The following PPP1R36 variants were observed in gnomAD, a reference collection of about 807,000 sequenced individuals.
The protein encoded by PPP1R36 is chromosome 14 open reading frame 50.
In PPP1R36, 47 loss-of-function variants were observed where a neutral mutation model predicts 53.4. That is an observed-to-expected ratio of 0.88 (90% CI 0.70 to 1.12). The LOEUF is 1.12. PPP1R36 is among the 50% of genes most tolerant of loss of function. PPP1R36 has a pLI of 0.00. For missense variants in PPP1R36, 456 were observed against 513.9 expected (o/e 0.89, Z 1.09); for synonymous variants, 153 against 170.5 (o/e 0.90, Z 0.80).
intron 8 of PPP1R36, among the ~76,000 whole-genome samples, chr14:64,582,664 G>C (rs926571744): frequency 7.2e-5 from 11 of 152,114 alleles, no homozygotes; most frequent in African/African-American, 2.7e-4. Flanking sequence ...TAGAAATATT[G>C]CTTCTATATT....
chr14:64,558,478 C>A (rs1191243476), intron 3 of PPP1R36, among the ~76,000 whole-genome samples: 2 of 151,956 alleles, frequency 1.3e-5, no homozygotes, highest in African/African-American at 2.4e-5. Flanking sequence ...ACTTGGGAGG[C>A]TGAGGTGGGA....
At chr14:64,563,837 A>G (rs1390706991) in intron 3 of PPP1R36, among the ~76,000 whole-genome samples, 7 of 152,190 alleles carry the variant, frequency 4.6e-5, no homozygotes, top group Non-Finnish European at 8.8e-5. Context: ...ATAACCCACA[A>G]TGGGTTTGGC....
intron 8 of PPP1R36, among the ~76,000 whole-genome samples, chr14:64,576,602 G>A (rs906083409): frequency 1.3e-5 from 2 of 152,064 alleles, no homozygotes; most frequent in Non-Finnish European, 1.5e-5. Flanking sequence ...TCTTTGTTTT[G>A]TTGGTTGTAT....
chr14:64,550,916 T>G lies in PPP1R36; in HGVS notation c.70-5T>G. 1 of 1,603,606 alleles carries G rather than the reference T, an allele frequency of 6.2e-7. No homozygotes were observed. The highest frequency in any genetic ancestry group is 1.3e-5 in the African/African-American group (1 of 74,460). Reference sequence around the variant, plus strand: ...TATTTTTGCTGCAATCATTTCGTTTTACAGCAGTTGGGATTACGATTAGGG... The same window carrying G: ...TATTTTTGCTGCAATCATTTCGTTTGACAGCAGTTGGGATTACGATTAGGG... On this transcript the variant is annotated splice_polypyrimidine_tract_variant and splice_region_variant and intron_variant, in intron 1 of 11. Coordinates refer to ENST00000298705, the MANE Select transcript of PPP1R36 (RefSeq NM_172365.3).
intron 3 of PPP1R36, among the ~76,000 whole-genome samples, chr14:64,556,701 A>C (rs2080155785): frequency 7.1e-6 from 1 of 140,612 alleles, no homozygotes; most frequent in African/African-American, 2.7e-5. Flanking sequence ...GGCTGTGGTG[A>C]GTCATGATTG....
chr14:64,559,444 A>T (rs1342444801), intron 3 of PPP1R36: 3 of 152,314 alleles, frequency 2.0e-5, no homozygotes, highest in Non-Finnish European at 4.4e-5. Flanking sequence ...CCTGATCCAG[A>T]TATGGGACCT....
intron 8 of PPP1R36, among the ~76,000 whole-genome samples, chr14:64,584,181 C>T (rs2080413633): frequency 6.6e-6 from 1 of 152,056 alleles, no homozygotes; most frequent in African/African-American, 2.4e-5. Context: ...GGATTACAGG[C>T]GTGAGCCACT....
chr14:64,577,423 C>G (rs187075616), intron 8 of PPP1R36, among the ~76,000 whole-genome samples: 2 of 152,166 alleles, frequency 1.3e-5, no homozygotes, highest in Non-Finnish European at 2.9e-5. Flanking sequence ...TGACTGACAG[C>G]GTCAGCTTGA....
intron 8 of PPP1R36, chr14:64,586,627 T>C (rs1407747611): frequency 2.4e-6 from 1 of 422,438 alleles, no homozygotes; most frequent in Non-Finnish European, 4.2e-6. Context: ...ATTAACTTTT[T>C]ACCATTCTAG....
At chr14:64,580,038 G>C (rs1207605337) in intron 8 of PPP1R36, among the ~76,000 whole-genome samples, 1 of 152,208 alleles carries the variant, frequency 6.6e-6, no homozygotes, top group Non-Finnish European at 1.5e-5. Flanking sequence ...AGTGGCTCAT[G>C]CCTGTAATCC....
intron 3 of PPP1R36, among the ~76,000 whole-genome samples, chr14:64,563,620 T>C (rs143946700): frequency 6.6e-6 from 1 of 152,306 alleles, no homozygotes; most frequent in African/African-American, 2.4e-5. Flanking sequence ...ACTTTATTAC[T>C]GTCATGGGGA....
intron 3 of PPP1R36, among the ~76,000 whole-genome samples, chr14:64,554,379 G>C (rs140398672): frequency 6.6e-6 from 1 of 151,912 alleles, no homozygotes; most frequent in Admixed American, 6.6e-5. Flanking sequence ...TCTATCTCCC[G>C]ACCTCAGGTG....
chr14:64,572,557 T>C (rs949801093), intron 7 of PPP1R36, among the ~76,000 whole-genome samples: 11 of 152,266 alleles, frequency 7.2e-5, no homozygotes, highest in African/African-American at 2.6e-4. Flanking sequence ...CAGTTCTTTA[T>C]GTATATGTGC....
chr14:64,550,132 C>A, intron 1 of PPP1R36, 66 bp downstream of exon 1: 1 of 1,526,940 alleles, frequency 6.5e-7, no homozygotes. Context: ...TGCCCCCAAC[C>A]GGCGCCGCGC....
intron 8 of PPP1R36, among the ~76,000 whole-genome samples, chr14:64,583,299 A>G (rs570274078): frequency 3.3e-5 from 5 of 152,154 alleles, no homozygotes; most frequent in African/African-American, 9.6e-5. Flanking sequence ...ATTATAAAAT[A>G]CCAAAATAGA....
chr14:64,552,866 G>C lies in PPP1R36; in HGVS notation c.182+5G>C, dbSNP rs2080107487. 3 of 1,611,688 alleles carry C rather than the reference G, an allele frequency of 1.9e-6. No individual in the cohort carries two copies. The highest frequency in any genetic ancestry group is 2.5e-6 in the Non-Finnish European group (3 of 1,177,870). ...GCTCCTGAAACATCACCCTCAGTGA[G>C]TGTGAGACAGACAGTGAGATAGCTT... is the stretch of plus-strand genomic sequence containing the variant. On this transcript the variant is annotated splice_donor_5th_base_variant and intron_variant, in intron 3 of 11. Coordinates refer to ENST00000298705, the MANE Select transcript of PPP1R36 (RefSeq NM_172365.3).
intron 3 of PPP1R36, among the ~76,000 whole-genome samples, chr14:64,558,022 G>A (rs2080171407): frequency 6.6e-6 from 1 of 151,912 alleles, no homozygotes; most frequent in Non-Finnish European, 1.5e-5. Context: ...TGATTAGAAA[G>A]GTCAGAGGAA....
At chr14:64,571,221 G>T (rs535821122) in intron 7 of PPP1R36, among the ~76,000 whole-genome samples, 1 of 152,242 alleles carries the variant, frequency 6.6e-6, no homozygotes, top group African/African-American at 2.4e-5. Context: ...TGCCTCCCGG[G>T]TTCAAGTGAT....
intron 3 of PPP1R36, among the ~76,000 whole-genome samples, chr14:64,554,130 C>A (rs2080122526): frequency 6.7e-6 from 1 of 149,880 alleles, no homozygotes; most frequent in South Asian, 2.1e-4. Flanking sequence ...CTGAGCAAAT[C>A]CCATCACAAT....
Sources: gnomAD v4.1 joint callset for allele counts (sites outside exome capture counted in the v4.1 genomes callset) on GRCh38, gnomAD v4.1.1 for gene constraint, MANE v1.5 for transcripts, NCBI Gene and HGNC (gene_info 2026-07-23, HGNC 2026-07-21) for gene names.